SNTB2: variants seen among roughly 807,000 people sequenced by gnomAD.
SNTB2 encodes beta-2-syntrophin.
A neutral mutation model predicts 46.2 loss-of-function variants in SNTB2; 34 were observed. The observed-to-expected ratio is 0.74, with a 90% CI of 0.56 to 0.98. The LOEUF (loss-of-function observed/expected upper bound fraction) is 0.98, where lower values mean the gene tolerates loss of function less well. SNTB2 is among the 50% of genes least tolerant of loss of function. SNTB2 has a pLI of 0.00. For synonymous variants in SNTB2, 290 were observed against 312.6 expected, an observed-to-expected ratio of 0.93 and a Z score of 0.76; for missense variants, 603 against 731.4, an observed-to-expected ratio of 0.82 and a Z score of 2.02.
chr16:69,213,892 G>A (rs1179765415), intron 1 of SNTB2, among the ~76,000 whole-genome samples: 4 of 128,118 alleles, frequency 3.1e-5, no homozygotes, highest in East Asian at 2.2e-4. Flanking sequence ...GCATGATCTC[G>A]ACTCACTGCA....
intron 5 of SNTB2, among the ~76,000 whole-genome samples, chr16:69,297,428 A>C (rs1052416547): frequency 6.7e-6 from 1 of 149,214 alleles, no homozygotes; most frequent in African/African-American, 2.5e-5. Context: ...GACCAGCCTG[A>C]CCAACATGGT....
At chr16:69,300,796 A>G in intron 6 of SNTB2, 36 bp from the exon 7 acceptor site, 1 of 1,272,060 alleles carries the variant, frequency 7.9e-7, no homozygotes, top group South Asian at 1.2e-5. Context: ...TGTATATGGT[A>G]GTGAGGTAGT....
intron 1 of SNTB2, among the ~76,000 whole-genome samples, chr16:69,243,737 G>C (rs1456647270): frequency 6.6e-6 from 1 of 152,052 alleles, no homozygotes. Flanking sequence ...AGCTGCTCAA[G>C]GGTTATACTG....
intron 3 of SNTB2, among the ~76,000 whole-genome samples, chr16:69,269,187 A>T (rs117846379): frequency 0.037 from 5,594 of 152,032 alleles, 149 homozygotes; most frequent in Non-Finnish European, 0.056. Context: ...AGAAAAAAAA[A>T]AATACAACAT....
At position 69,259,236 on chromosome 16, in the gene SNTB2, ATTTTTTTTTTTTTTT is replaced by A. The variant is rs58387978; in HGVS notation, c.795-800_795-786del. 6.1e-3 allele frequency among the ~76,000 whole-genome samples: 424 copies of A among 69,192 alleles called. 2 individuals carry two copies. The highest frequency in any genetic ancestry group is 0.021 in the African/African-American group (367 of 17,444). 45.4% of individuals were successfully genotyped at this position (69,192 alleles called of 152,430 possible). Reference sequence around the variant, plus strand: ...TAACTAGCCCAAGTTGGTCTTTCTGATTTTTTTTTTTTTTTTTTTTTTTTTTTTGAGACAGAGTTT... The same window carrying A: ...TAACTAGCCCAAGTTGGTCTTTCTGATTTTTTTTTTTTTGAGACAGAGTTT... On this transcript the variant is annotated intron_variant, in intron 2 of 6. Coordinates refer to ENST00000336278, the MANE Select transcript of SNTB2 (RefSeq NM_006750.4).
At chr16:69,272,095 T>G (rs1461504568) in intron 4 of SNTB2, among the ~76,000 whole-genome samples, 1 of 152,168 alleles carries the variant, frequency 6.6e-6, no homozygotes, top group Non-Finnish European at 1.5e-5. Context: ...AAAAGCACAG[T>G]TAACAAGAGA....
chr16:69,263,243 A>G (rs1041039944), intron 3 of SNTB2, among the ~76,000 whole-genome samples: 3 of 151,642 alleles, frequency 2.0e-5, no homozygotes, highest in Admixed American at 1.3e-4. Context: ...AGTAGCTAGG[A>G]CTATAGGCAC....
chr16:69,229,245 CTG>C (rs920230040), intron 1 of SNTB2, among the ~76,000 whole-genome samples: 3 of 152,138 alleles, frequency 2.0e-5, no homozygotes, highest in African/African-American at 7.2e-5. Flanking sequence ...GATCAAGACA[CTG>C]TAGCCTCAGC....
At chr16:69,215,253 T>C (rs1964335317) in intron 1 of SNTB2, among the ~76,000 whole-genome samples, 2 of 152,138 alleles carry the variant, frequency 1.3e-5, no homozygotes, top group Admixed American at 1.3e-4. Flanking sequence ...GGTGTGGTGA[T>C]GCATGCCTGT....
chr16:69,224,114 A>G (rs1390362968), intron 1 of SNTB2, among the ~76,000 whole-genome samples: 2 of 152,100 alleles, frequency 1.3e-5, no homozygotes, highest in African/African-American at 4.8e-5. Flanking sequence ...CATATTGGGC[A>G]GGGGTGGGAT....
At chr16:69,270,573 GT>G (rs887165599) in intron 4 of SNTB2, among the ~76,000 whole-genome samples, 9 of 151,252 alleles carry the variant, frequency 6.0e-5, no homozygotes, top group East Asian at 1.9e-4. Flanking sequence ...AGATTATAGG[GT>G]TTTTTTTTCT....
intron 1 of SNTB2, among the ~76,000 whole-genome samples, chr16:69,198,313 C>T (rs561064279): frequency 2.7e-4 from 41 of 152,144 alleles, no homozygotes; most frequent in African/African-American, 9.2e-4. Context: ...TTCGCCATGT[C>T]GCCCAGGCTG....
At chr16:69,250,267 A>G (rs1311566261) in intron 2 of SNTB2, among the ~76,000 whole-genome samples, 1 of 152,226 alleles carries the variant, frequency 6.6e-6, no homozygotes, top group African/African-American at 2.4e-5. Context: ...GGCTATACTC[A>G]TGGGAATGTG....
intron 2 of SNTB2, among the ~76,000 whole-genome samples, chr16:69,258,810 G>A (rs1964804579): frequency 6.6e-6 from 1 of 151,684 alleles, no homozygotes; most frequent in Non-Finnish European, 1.5e-5. Context: ...ACAGGGTTTA[G>A]CCATGTTGGC....
At chr16:69,292,752 C>T (rs932971689) in intron 5 of SNTB2, among the ~76,000 whole-genome samples, 124 of 151,756 alleles carry the variant, frequency 8.2e-4, no homozygotes, top group African/African-American at 2.8e-3. Context: ...CACGCCCGGC[C>T]GAGTGTTCAC....
chr16:69,278,889 A>AGTGTGT (rs71148981), intron 4 of SNTB2, among the ~76,000 whole-genome samples: 4,004 of 140,938 alleles, frequency 0.028, 72 homozygotes, highest in African/African-American at 0.056. Context: ...AGGTGGGAAG[A>AGTGTGT]GTGTGTGTGT....
intron 2 of SNTB2, among the ~76,000 whole-genome samples, chr16:69,249,266 TCTA>T (rs1172195176): frequency 6.6e-6 from 1 of 152,196 alleles, no homozygotes; most frequent in East Asian, 1.9e-4. Context: ...ATTCCAGCAA[TCTA>T]CTCGCTTTGG....
intron 1 of SNTB2, chr16:69,235,940 T>C (rs765052070): frequency 7.1e-5 from 72 of 1,007,472 alleles, no homozygotes; most frequent in Non-Finnish European, 8.8e-5. Flanking sequence ...TGCTACATCT[T>C]AGTAAGCTCC....
intron 1 of SNTB2, among the ~76,000 whole-genome samples, chr16:69,237,156 C>G (rs1401095300): frequency 3.3e-5 from 5 of 152,048 alleles, no homozygotes; most frequent in African/African-American, 1.2e-4. Flanking sequence ...AACTGGAGAT[C>G]CAGCAGAAAG....
Sources: allele counts gnomAD v4.1 joint callset (sites outside exome capture counted in the v4.1 genomes callset), GRCh38; gene constraint gnomAD v4.1.1; transcripts MANE v1.5; gene names NCBI Gene and HGNC (gene_info 2026-07-23, HGNC 2026-07-21).